RAPGEF5: variants seen among roughly 807,000 people sequenced by gnomAD.
RAPGEF5 encodes the protein Rap guanine nucleotide exchange factor 5.
RAPGEF5 carries 65 observed loss-of-function variants against 125.2 expected under a neutral mutation model. The observed-to-expected ratio is 0.52, with a 90% CI of 0.43 to 0.64. The LOEUF is 0.64. RAPGEF5 is among the 30% of genes least tolerant of loss of function. The pLI is 0.00. For missense variants in RAPGEF5, 958 were observed against 1,048.1 expected (o/e 0.91, Z 1.19); for synonymous variants, 391 against 385.9 (o/e 1.01, Z -0.16).
chr7:22,279,637 G>A (rs1427153088), intron 6 of RAPGEF5, among the ~76,000 whole-genome samples: 4 of 152,070 alleles, frequency 2.6e-5, no homozygotes, highest in East Asian at 1.9e-4. Flanking sequence ...AAACCATGTC[G>A]GCAACCCTCA....
At chr7:22,132,662 C>T (rs3823666) in intron 23 of RAPGEF5, among the ~76,000 whole-genome samples, 1 of 152,026 alleles carries the variant, frequency 6.6e-6, no homozygotes, top group Non-Finnish European at 1.5e-5. Context: ...CCAGATTCCA[C>T]ACAGCTTCTC....
intron 25 of RAPGEF5, among the ~76,000 whole-genome samples, chr7:22,124,250 C>T (rs569146076): frequency 6.6e-6 from 1 of 152,162 alleles, no homozygotes; most frequent in Non-Finnish European, 1.5e-5. Flanking sequence ...GCTGAATCCC[C>T]AGTAAACACT....
chr7:22,183,268 CAAAAAAAAA>C (rs757079018), intron 11 of RAPGEF5, among the ~76,000 whole-genome samples: 1,367 of 30,942 alleles, frequency 0.044, 10 homozygotes, highest in African/African-American at 0.11. Context: ...GACTCCATCA[CAAAAAAAAA>C]AAAAAAAAAA....
intron 21 of RAPGEF5, among the ~76,000 whole-genome samples, chr7:22,139,513 T>C (rs531500774): frequency 3.3e-4 from 50 of 152,260 alleles, no homozygotes; most frequent in Non-Finnish European, 5.4e-4. Context: ...GGCCTCTGCA[T>C]CTCAGAACCC....
chr7:22,348,154 T>C (rs983403996), intron 1 of RAPGEF5, among the ~76,000 whole-genome samples: 5 of 152,210 alleles, frequency 3.3e-5, no homozygotes, highest in Admixed American at 2.0e-4. Flanking sequence ...TGAAATGAGA[T>C]GCAAAATTAT....
intron 6 of RAPGEF5, among the ~76,000 whole-genome samples, 181 bp downstream of exon 6, chr7:22,290,994 G>C (rs1426523760): frequency 6.6e-6 from 1 of 152,048 alleles, no homozygotes; most frequent in South Asian, 2.1e-4. Flanking sequence ...CATGAAGGGA[G>C]GCTCCATCCC....
intron 23 of RAPGEF5, among the ~76,000 whole-genome samples, chr7:22,133,176 C>T (rs1018132763): frequency 1.3e-5 from 2 of 152,138 alleles, no homozygotes; most frequent in Non-Finnish European, 2.9e-5. Context: ...TGTGGCGGCT[C>T]TATTGAGGGG....
chr7:22,189,052 T>TAA (rs11434267), intron 11 of RAPGEF5, among the ~76,000 whole-genome samples: 2,856 of 126,134 alleles, frequency 0.023, 44 homozygotes, highest in Middle Eastern at 0.054. Flanking sequence ...CTCATGAAAT[T>TAA]AAAAAAAAAA....
rs750880308 is a variant in RAPGEF5, at chr7:22,122,401, G to A, written c.*5C>T. 4.1e-5 allele frequency: 65 copies of A among 1,604,782 alleles called. No individual in the cohort carries two copies. The highest frequency in any genetic ancestry group is 5.5e-5 in the Non-Finnish European group (64 of 1,172,262). On this transcript the variant is annotated 3_prime_UTR_variant, in exon 26 of 26. Coordinates refer to ENST00000665637, the MANE Select transcript of RAPGEF5 (RefSeq NM_012294.5). Reference sequence around the variant, plus strand: ...GCAGATACAGGGGAGGTGAGGCAGTGGGGCTCACACCCGAGGCTCGATCCT... The same window carrying A: ...GCAGATACAGGGGAGGTGAGGCAGTAGGGCTCACACCCGAGGCTCGATCCT...
intron 1 of RAPGEF5, among the ~76,000 whole-genome samples, chr7:22,348,506 A>T (rs1784267000): frequency 6.6e-6 from 1 of 152,194 alleles, no homozygotes; most frequent in Non-Finnish European, 1.5e-5. Flanking sequence ...CCAGAAAAGG[A>T]GCTTGCATGC....
At position 22,321,406 on chromosome 7, in the gene RAPGEF5, C is replaced by T. The variant is rs147977426; in HGVS notation, c.232-3369G>A. Among the ~76,000 whole-genome samples the T allele has an allele frequency of 4.1e-3, 618 of 152,270 alleles. 4 individuals are homozygous for T. Among genetic ancestry groups the T allele is most frequent in the South Asian group, 9.1e-3 (44 of 4,822 alleles). Reference sequence around the variant, plus strand: ...TTCCAGAGTTGCTAAAAATATCTTGCTAAACAGTGTAATAGACTTAAGGCA... The same window carrying T: ...TTCCAGAGTTGCTAAAAATATCTTGTTAAACAGTGTAATAGACTTAAGGCA... On this transcript the variant is annotated intron_variant, in intron 1 of 25. Coordinates refer to ENST00000665637, the MANE Select transcript of RAPGEF5 (RefSeq NM_012294.5).
At chr7:22,244,467 A>G (rs1278022034) in intron 7 of RAPGEF5, among the ~76,000 whole-genome samples, 1 of 151,776 alleles carries the variant, frequency 6.6e-6, no homozygotes, top group Non-Finnish European at 1.5e-5. Flanking sequence ...CGTGAACCCT[A>G]TTGTGAACTG....
At chr7:22,145,674 C>T (rs1238235214) in intron 19 of RAPGEF5, among the ~76,000 whole-genome samples, 3 of 152,162 alleles carry the variant, frequency 2.0e-5, no homozygotes, top group Non-Finnish European at 4.4e-5. Context: ...TGGAGGACTG[C>T]TGAAGCACAG....
At chr7:22,147,953 GA>G (rs1783496590) in intron 18 of RAPGEF5, among the ~76,000 whole-genome samples, 1 of 152,142 alleles carries the variant, frequency 6.6e-6, no homozygotes, top group Non-Finnish European at 1.5e-5. Flanking sequence ...TTACATTGAT[GA>G]AAACGTTTCC....
chr7:22,198,072 T>G (rs1299795813), intron 9 of RAPGEF5, among the ~76,000 whole-genome samples: 7 of 152,244 alleles, frequency 4.6e-5, no homozygotes, highest in Non-Finnish European at 8.8e-5. Flanking sequence ...TATTTTATTT[T>G]GTAGAGACAG....
intron 7 of RAPGEF5, among the ~76,000 whole-genome samples, chr7:22,231,497 C>T (rs981578128): frequency 1.3e-5 from 2 of 152,074 alleles, no homozygotes; most frequent in Admixed American, 1.3e-4. Context: ...TCTCACTAAT[C>T]CAATCCAGCT....
At chr7:22,291,725 G>A (rs1013693506) in intron 5 of RAPGEF5, among the ~76,000 whole-genome samples, 10 of 152,124 alleles carry the variant, frequency 6.6e-5, no homozygotes, top group Admixed American at 2.0e-4. Flanking sequence ...GGAATTATGA[G>A]GAATATAAAA....
intron 12 of RAPGEF5, among the ~76,000 whole-genome samples, chr7:22,164,705 T>C (rs1394727315): frequency 1.3e-5 from 2 of 152,208 alleles, no homozygotes; most frequent in East Asian, 3.8e-4. Context: ...TTGTCTATGC[T>C]AGATTACACT....
chr7:22,272,349 AAAAAAAAAAAAAAAGAAGGAAAAAAAAG>A (rs1158093901), intron 6 of RAPGEF5, among the ~76,000 whole-genome samples: 15 of 144,532 alleles, frequency 1.0e-4, no homozygotes, highest in South Asian at 2.4e-4. Context: ...TCTCAAAAAA[AAAAAAAAAAAAAAAGAAGGAAAAAAAAG>A]AAAAAAAAAT....
Sources: gnomAD v4.1 joint callset for allele counts (sites outside exome capture counted in the v4.1 genomes callset) on GRCh38, gnomAD v4.1.1 for gene constraint, MANE v1.5 for transcripts, NCBI Gene and HGNC (gene_info 2026-07-23, HGNC 2026-07-21) for gene names.